The following HEMK2 variants were observed in gnomAD, a reference collection of about 807,000 sequenced individuals.
HEMK2 encodes methyltransferase HEMK2.
At chr21:28,770,976 C>T in the HEMK2 span, among the ~76,000 whole-genome samples, 1 of 149,388 alleles carries the variant, frequency 6.7e-6, no homozygotes, top group South Asian at 2.1e-4. Context: ...CTTATTCTAG[C>T]CATGACTCTG....
the HEMK2 span, among the ~76,000 whole-genome samples, chr21:28,794,615 C>G: frequency 6.6e-6 from 1 of 152,204 alleles, no homozygotes; most frequent in Non-Finnish European, 1.5e-5. Flanking sequence ...TAATCAAAGG[C>G]AGAAAATTCC....
chr21:28,680,805 C>A, the HEMK2 span, among the ~76,000 whole-genome samples: 2 of 152,032 alleles, frequency 1.3e-5, no homozygotes, highest in African/African-American at 4.8e-5. Context: ...AAAAACCATA[C>A]GATTATCTCA....
At chr21:28,639,465 G>A in the HEMK2 span, among the ~76,000 whole-genome samples, 1 of 152,068 alleles carries the variant, frequency 6.6e-6, no homozygotes, top group South Asian at 2.1e-4. Flanking sequence ...AAGGTACACA[G>A]GAAATCAGGT....
At chr21:28,729,349 G>A in the HEMK2 span, among the ~76,000 whole-genome samples, 3 of 152,128 alleles carry the variant, frequency 2.0e-5, no homozygotes, top group African/African-American at 7.2e-5. Context: ...CAAGACCGTG[G>A]CCTAGAAAAT....
At chr21:28,803,219 G>C in the HEMK2 span, among the ~76,000 whole-genome samples, 1 of 152,210 alleles carries the variant, frequency 6.6e-6, no homozygotes, top group Non-Finnish European at 1.5e-5. Context: ...TACACTTCAT[G>C]TTCTGTTGGT....
chr21:28,626,388 T>G, the HEMK2 span, among the ~76,000 whole-genome samples: 1 of 152,066 alleles, frequency 6.6e-6, no homozygotes, highest in East Asian at 1.9e-4. Context: ...ATAGAGCAAA[T>G]AAAATAAATC....
the HEMK2 span, among the ~76,000 whole-genome samples, chr21:28,859,972 T>A: frequency 4.6e-5 from 7 of 152,162 alleles, no homozygotes; most frequent in Non-Finnish European, 1.0e-4. Flanking sequence ...CGTGTCAACT[T>A]GATTGGACCT....
the HEMK2 span, among the ~76,000 whole-genome samples, chr21:28,622,290 T>G: frequency 6.6e-6 from 1 of 152,116 alleles, no homozygotes; most frequent in Admixed American, 6.6e-5. Flanking sequence ...AAGAAACTCT[T>G]CAAGGAGAAC....
the HEMK2 span, among the ~76,000 whole-genome samples, chr21:28,757,985 T>C: frequency 1.3e-5 from 2 of 152,352 alleles, no homozygotes; most frequent in Admixed American, 6.5e-5. Context: ...TTATTATAAA[T>C]GAAAATTTGC....
the HEMK2 span, among the ~76,000 whole-genome samples, chr21:28,654,929 T>C: frequency 6.6e-6 from 1 of 152,104 alleles, no homozygotes; most frequent in East Asian, 1.9e-4. Context: ...TGACCAGGTA[T>C]GTAAAAGACA....
the HEMK2 span, among the ~76,000 whole-genome samples, chr21:28,577,693 A>C: frequency 6.6e-6 from 1 of 152,168 alleles, no homozygotes; most frequent in Non-Finnish European, 1.5e-5. Flanking sequence ...TTTAGTATCT[A>C]TCCTAAATAT....
At chr21:28,675,702 G>A in the HEMK2 span, among the ~76,000 whole-genome samples, 2 of 152,112 alleles carry the variant, frequency 1.3e-5, no homozygotes, top group African/African-American at 4.8e-5. Context: ...ACAAACCCTG[G>A]GCCCAGTCCA....
At chr21:28,879,795 T>C in the HEMK2 span, 10 of 1,127,444 alleles carry the variant, frequency 8.9e-6, no homozygotes, top group African/African-American at 1.6e-5. Flanking sequence ...ACTGATGTCA[T>C]AGGATGACAT....
chr21:28,870,005 C>T, the HEMK2 span, among the ~76,000 whole-genome samples: 1 of 152,142 alleles, frequency 6.6e-6, no homozygotes, highest in Non-Finnish European at 1.5e-5. Flanking sequence ...TCCCAGTCAT[C>T]CTTACCTCCT....
At chr21:28,593,228 T>C in the HEMK2 span, among the ~76,000 whole-genome samples, 1 of 152,088 alleles carries the variant, frequency 6.6e-6, no homozygotes, top group African/African-American at 2.4e-5. Context: ...TTAAATTACT[T>C]TCAGGCTATT....
At chr21:28,838,865 G>A in the HEMK2 span, among the ~76,000 whole-genome samples, 1 of 145,636 alleles carries the variant, frequency 6.9e-6, no homozygotes, top group Non-Finnish European at 1.5e-5. Flanking sequence ...CTTGAACCTG[G>A]GAGGCAGAGG....
chr21:28,724,296 T>C, the HEMK2 span, among the ~76,000 whole-genome samples: 1 of 152,244 alleles, frequency 6.6e-6, no homozygotes, highest in African/African-American at 2.4e-5. Context: ...TAAACACTTC[T>C]CTAAAAAATA....
At chr21:28,837,206 T>C in the HEMK2 span, among the ~76,000 whole-genome samples, 6 of 152,198 alleles carry the variant, frequency 3.9e-5, no homozygotes, top group African/African-American at 1.2e-4. Flanking sequence ...TTAACAGATA[T>C]ATACGGAACA....
chr21:28,660,788 T>C, the HEMK2 span, among the ~76,000 whole-genome samples: 2 of 152,038 alleles, frequency 1.3e-5, no homozygotes, highest in African/African-American at 4.8e-5. Flanking sequence ...CCTATTACTA[T>C]TTTTTGGAAG....
Sources: allele counts gnomAD v4.1 joint callset (sites outside exome capture counted in the v4.1 genomes callset), GRCh38; gene constraint gnomAD v4.1.1; transcripts MANE v1.5; gene names NCBI Gene and HGNC (gene_info 2026-07-23, HGNC 2026-07-21).